Variants in SYK observed in about 807,000 individuals in gnomAD.
SYK encodes the protein tyrosine-protein kinase SYK.
SYK carries 16 observed loss-of-function variants against 77.8 expected under a neutral mutation model. The ratio of observed to expected loss-of-function variants is 0.21; its 90% CI spans 0.14 to 0.31. The LOEUF (loss-of-function observed/expected upper bound fraction) is 0.31. Ranked by LOEUF, SYK falls within the 10% of genes least tolerant of loss-of-function variation. SYK has a pLI of 1.00. For synonymous variants in SYK, 312 were observed against 308.7 expected, an observed-to-expected ratio of 1.01 and a Z score of -0.11; for missense variants, 529 against 814.4, an observed-to-expected ratio of 0.65 and a Z score of 4.26.
chr9:90,856,388 C>T (rs1482958788), intron 3 of SYK, among the ~76,000 whole-genome samples: 4 of 152,158 alleles, frequency 2.6e-5, no homozygotes, highest in African/African-American at 9.7e-5. Flanking sequence ...CCTTCAGAGA[C>T]TCCTATTAAA....
At position 90,884,400 on chromosome 9, in the gene SYK, CAT is replaced by C. The variant is rs762916236; in HGVS notation, c.1582-3346_1582-3345del. On this transcript the variant is annotated intron_variant, in intron 11 of 13. Coordinates refer to ENST00000375754, the MANE Select transcript of SYK (RefSeq NM_003177.7). Reference sequence around the variant, plus strand: ...ATACGTGTATATATGCATACATACACATATGTGTATATATACATACATATACA... The same window carrying C: ...ATACGTGTATATATGCATACATACACATGTGTATATATACATACATATACA... 3.5e-5 allele frequency among the ~76,000 whole-genome samples: 2 copies of C among 57,676 alleles called. 1 individual carries two copies. The highest frequency in any genetic ancestry group is 8.3e-5 in the Non-Finnish European group (2 of 24,050). 37.8% of individuals were successfully genotyped at this position (57,676 alleles called of 152,430 possible). A position where few individuals can be genotyped will look rare whatever the true frequency, so the allele number is the denominator to read the frequency against.
chr9:90,805,090 T>C (rs1824766149), intron 1 of SYK, among the ~76,000 whole-genome samples: 1 of 152,240 alleles, frequency 6.6e-6, no homozygotes, highest in African/African-American at 2.4e-5. Context: ...TTGTTTATGT[T>C]ACAGTACATT....
At chr9:90,817,542 ATTGTTTT>A (rs546934381) in intron 1 of SYK, among the ~76,000 whole-genome samples, 16 of 151,658 alleles carry the variant, frequency 1.1e-4, no homozygotes, top group Non-Finnish European at 1.6e-4. Context: ...CTGGCTTATC[ATTGTTTT>A]TTGTTTTTTG....
In SYK at chr9:90,844,061, G is replaced by A. The variant is rs200078199; in HGVS notation, c.163G>A (p.Val55Met). ...CTACCTGGGTGGCTTCGCCCTGTCC[G>A]TGGCCCACGGGAGGAAGGCACACCA... ...RNYLGGFALS[V>M]AHGRKAHHYT... The change falls in exon 2 of 14, where the codon GTG becomes ATG. Residue 55 changes from valine to methionine, a missense_variant. Val to Met is a conservative substitution (Grantham distance 21). Transcript: ENST00000375754. 108 of 1,612,238 alleles carry A rather than the reference G, an allele frequency of 6.7e-5. No homozygotes were observed. Among genetic ancestry groups the A allele is most frequent in the East Asian group, 8.9e-5 (4 of 44,870 alleles).
intron 3 of SYK, among the ~76,000 whole-genome samples, chr9:90,852,566 C>G (rs1391959626): frequency 6.6e-6 from 1 of 152,142 alleles, no homozygotes; most frequent in Non-Finnish European, 1.5e-5. Context: ...GGCTAAGAGT[C>G]CTTGTAAATC....
At chr9:90,854,994 TCA>T (rs1287876789) in intron 3 of SYK, among the ~76,000 whole-genome samples, 1 of 96,120 alleles carries the variant, frequency 1.0e-5, no homozygotes, top group African/African-American at 4.3e-5. Context: ...TCTCTCTCTC[TCA>T]CACACACACA....
chr9:90,858,221 G>C (rs1264673257), intron 3 of SYK, among the ~76,000 whole-genome samples: 3 of 152,166 alleles, frequency 2.0e-5, no homozygotes, highest in African/African-American at 7.2e-5. Flanking sequence ...TAGTGTTCTA[G>C]TGTCTGTGAG....
Position 90,874,789 on chromosome 9 carries a change from A to T in SYK, c.1121A>T (p.Asp374Val), listed in dbSNP as rs1462850247. Residue 374 changes from aspartate (D) to valine (V), a missense_variant, in exon 9 of 14, where the codon GAC becomes GTC. Physicochemically the swap from Asp to Val is radical, Grantham distance 152. Coordinates refer to ENST00000375754, the MANE Select transcript of SYK (RefSeq NM_003177.7). ...YLDRKLLTLE[D>V]KELGSGNFGT... is the part of the protein sequence containing the mutation. ...GACCGAAAGCTGCTGACGCTGGAAG[A>T]CAAAGAACTGGGCTCTGGTAATTTT... 6.2e-7 allele frequency: 1 copy of T among 1,614,164 alleles called. No individual in the cohort carries two copies. Among genetic ancestry groups the T allele is most frequent in the South Asian group, 1.1e-5 (1 of 91,076 alleles).
intron 1 of SYK, among the ~76,000 whole-genome samples, chr9:90,811,538 G>T (rs1407565695): frequency 6.6e-6 from 1 of 152,100 alleles, no homozygotes; most frequent in Non-Finnish European, 1.5e-5. Flanking sequence ...AAAAAATGTG[G>T]AATTTATTTC....
chr9:90,827,662 T>C (rs1825705617), intron 1 of SYK: 1 of 152,230 alleles, frequency 6.6e-6, no homozygotes, highest in Non-Finnish European at 1.5e-5. Context: ...GTAGGAGGGA[T>C]ACTTAGGTTT....
chr9:90,854,526 A>G (rs1826947388), intron 3 of SYK, among the ~76,000 whole-genome samples: 1 of 152,178 alleles, frequency 6.6e-6, no homozygotes, highest in Non-Finnish European at 1.5e-5. Flanking sequence ...CACTCAGGCC[A>G]CAGTTGCTGT....
chr9:90,863,669 T>C (rs530847743), intron 4 of SYK, among the ~76,000 whole-genome samples: 1 of 152,330 alleles, frequency 6.6e-6, no homozygotes, highest in South Asian at 2.1e-4. Context: ...GTATTTAACC[T>C]TTCTACACTC....
In SYK at chr9:90,884,216, C is replaced by T. The variant is rs1462029148; in HGVS notation, c.1582-3533C>T. ...ACATACACATACGTGTATATATACA[C>T]GCATATACACATACACATACGTGTA... On this transcript the variant is annotated intron_variant, in intron 11 of 13. Transcript: ENST00000375754. Among the ~76,000 whole-genome samples, 7 of 51,284 alleles carry T rather than the reference C, an allele frequency of 1.4e-4. 1 individual carries two copies. The highest frequency in any genetic ancestry group is 3.2e-4 in the African/African-American group (3 of 9,334). The allele number at this position is 51,284 out of a possible 152,430, so 33.6% of individuals were successfully genotyped here. A position where few individuals can be genotyped will look rare whatever the true frequency, so the allele number is the denominator to read the frequency against.
At chr9:90,825,454 C>T (rs1238512460) in intron 1 of SYK, among the ~76,000 whole-genome samples, 1 of 152,204 alleles carries the variant, frequency 6.6e-6, no homozygotes, top group East Asian at 1.9e-4. Context: ...AGGACTCACA[C>T]TACTCAATTT....
chr9:90,811,070 G>C (rs1825053968), intron 1 of SYK, among the ~76,000 whole-genome samples: 1 of 17,930 alleles, frequency 5.6e-5, no homozygotes, highest in African/African-American at 1.5e-4. Context: ...AGAAAACTTA[G>C]GTGAGTTTTA....
At chr9:90,805,462 G>A (rs1421216371) in intron 1 of SYK, among the ~76,000 whole-genome samples, 7 of 152,146 alleles carry the variant, frequency 4.6e-5, no homozygotes, top group Admixed American at 1.3e-4. Context: ...GCAGGGTGAG[G>A]GAGGCTCTCG....
rs200073109 is a variant in SYK at position 90,897,993 on chromosome 9, G to C, written c.*2393G>C. On this transcript the variant is annotated 3_prime_UTR_variant, in exon 14 of 14. Coordinates refer to ENST00000375754, the MANE Select transcript of SYK (RefSeq NM_003177.7). ...TTGGGAAGCTGGGAAAGGCCTCCAGGCTTCTAGAGCAGCTAGCTTGGGCTG... is the reference window on the plus strand; with the variant it reads ...TTGGGAAGCTGGGAAAGGCCTCCAGCCTTCTAGAGCAGCTAGCTTGGGCTG... The C allele has an allele frequency of 1.7e-5, 4 of 229,478 alleles. No homozygotes were observed. The highest frequency in any genetic ancestry group is 1.8e-4 in the South Asian group (1 of 5,504). 14.2% of individuals were successfully genotyped at this position (229,478 alleles called of 1,614,324 possible). A position where few individuals can be genotyped will look rare whatever the true frequency, so the allele number is the denominator to read the frequency against.
intron 3 of SYK, among the ~76,000 whole-genome samples, chr9:90,847,075 G>T (rs1056827234): frequency 4.6e-5 from 7 of 152,196 alleles, no homozygotes; most frequent in African/African-American, 1.7e-4. Context: ...AACAGCAGTT[G>T]CATCCTTCAT....
At chr9:90,884,256 C>CATACGTGTATATATACACGCAT (rs1828310588) in intron 11 of SYK, among the ~76,000 whole-genome samples, 2 of 100,704 alleles carry the variant, frequency 2.0e-5, no homozygotes, top group Admixed American at 1.2e-4. Context: ...TACACATACA[C>CATACGTGTATATATACACGCAT]ATACACATAC....
Sources: gnomAD v4.1 joint callset for allele counts (sites outside exome capture counted in the v4.1 genomes callset) on GRCh38, gnomAD v4.1.1 for gene constraint, MANE v1.5 for transcripts, NCBI Gene and HGNC (gene_info 2026-07-23, HGNC 2026-07-21) for gene names.